AGBL1: variants seen among roughly 807,000 people sequenced by gnomAD.
AGBL1 encodes cytosolic carboxypeptidase 4.
A neutral mutation model predicts 118.9 loss-of-function variants in AGBL1; 130 were observed. The observed-to-expected ratio is 1.09, with a 90% CI of 0.95 to 1.26. AGBL1 has a LOEUF of 1.26. Ranked by LOEUF, AGBL1 falls within the 50% of genes most tolerant of loss-of-function variation. The pLI is 0.00. For synonymous variants in AGBL1, 555 were observed against 478.9 expected (o/e 1.16, Z -2.08); for missense variants, 1,584 against 1,298.1 (o/e 1.22, Z -3.38).
At chr15:86,344,210 T>C (rs2080502983) in intron 17 of AGBL1, among the ~76,000 whole-genome samples, 1 of 152,204 alleles carries the variant, frequency 6.6e-6, no homozygotes, top group African/African-American at 2.4e-5. Context: ...AGCAGAATTG[T>C]ACCACGGGCC....
intron 1 of AGBL1, among the ~76,000 whole-genome samples, chr15:86,113,447 C>A (rs1303911055): frequency 6.6e-6 from 1 of 151,654 alleles, no homozygotes; most frequent in East Asian, 1.9e-4. Flanking sequence ...ACCACCATGC[C>A]CGGCTCTTTT....
At chr15:86,787,876 A>G (rs1203759934) in intron 22 of AGBL1, among the ~76,000 whole-genome samples, 2 of 151,856 alleles carry the variant, frequency 1.3e-5, no homozygotes, top group East Asian at 1.9e-4. Context: ...TCTTCTTTGA[A>G]TTTTTGATTT....
intron 2 of AGBL1, 149 bp downstream of exon 2, chr15:86,142,216 G>A (rs1007936622): frequency 2.7e-6 from 2 of 740,602 alleles, no homozygotes; most frequent in African/African-American, 3.5e-5. Context: ...TTTTCTCTAA[G>A]GTTAATAAGA....
intron 18 of AGBL1, among the ~76,000 whole-genome samples, chr15:86,483,165 T>C (rs996736075): frequency 9.2e-5 from 14 of 152,196 alleles, no homozygotes; most frequent in African/African-American, 3.1e-4. Context: ...TATGGCGGCA[T>C]TGGCATGATC....
At chr15:87,020,783 G>C (rs913106850) in intron 24 of AGBL1, among the ~76,000 whole-genome samples, 1 of 151,972 alleles carries the variant, frequency 6.6e-6, no homozygotes, top group Non-Finnish European at 1.5e-5. Context: ...GAGGAATACA[G>C]CTAACAAGGG....
intron 22 of AGBL1, among the ~76,000 whole-genome samples, chr15:86,794,957 C>CG (rs1437031710): frequency 2.6e-5 from 4 of 152,170 alleles, no homozygotes; most frequent in South Asian, 4.2e-4. Flanking sequence ...GAAGGCCACC[C>CG]GGGGGGACCA....
At chr15:86,617,085 T>C (rs919872522) in intron 21 of AGBL1, among the ~76,000 whole-genome samples, 1 of 152,174 alleles carries the variant, frequency 6.6e-6, no homozygotes, top group Non-Finnish European at 1.5e-5. Flanking sequence ...AATCTATTCC[T>C]CAAGTCCCTT....
intron 22 of AGBL1, among the ~76,000 whole-genome samples, chr15:86,793,914 A>G (rs1012867367): frequency 8.8e-4 from 134 of 152,322 alleles, no homozygotes; most frequent in African/African-American, 3.1e-3. Flanking sequence ...CACTGAATGC[A>G]CATTAAGATG....
intron 19 of AGBL1, among the ~76,000 whole-genome samples, chr15:86,544,643 A>G (rs2083553384): frequency 6.6e-6 from 1 of 152,262 alleles, no homozygotes; most frequent in African/African-American, 2.4e-5. Flanking sequence ...GTCTCATGAC[A>G]CTTATTCGCT....
At chr15:86,927,648 C>T (rs945146114) in intron 23 of AGBL1, among the ~76,000 whole-genome samples, 8 of 151,990 alleles carry the variant, frequency 5.3e-5, no homozygotes, top group African/African-American at 1.7e-4. Context: ...AGGCAGAAGG[C>T]TATAATGAAT....
At chr15:86,088,564 A>C (rs770932359) in intron 1 of AGBL1, among the ~76,000 whole-genome samples, 1 of 152,218 alleles carries the variant, frequency 6.6e-6, no homozygotes, top group Non-Finnish European at 1.5e-5. Context: ...GTCTGCATTC[A>C]ACAGCACTAG....
At chr15:86,756,731 T>C (rs995596334) in intron 22 of AGBL1, among the ~76,000 whole-genome samples, 6 of 152,020 alleles carry the variant, frequency 3.9e-5, no homozygotes, top group African/African-American at 1.4e-4. Context: ...AAGTTCAGTA[T>C]GGCCGATCGA....
chr15:86,454,977 C>T (rs959598666), intron 18 of AGBL1, among the ~76,000 whole-genome samples: 5 of 152,064 alleles, frequency 3.3e-5, no homozygotes, highest in Non-Finnish European at 4.4e-5. Flanking sequence ...GTGGTCAAGC[C>T]GTCTGTCTAC....
chr15:86,763,992 G>T (rs2078062238), intron 22 of AGBL1, among the ~76,000 whole-genome samples: 1 of 152,000 alleles, frequency 6.6e-6, no homozygotes, highest in African/African-American at 2.4e-5. Flanking sequence ...TGAAGTGAGG[G>T]ACAAGTATTT....
intron 21 of AGBL1, among the ~76,000 whole-genome samples, chr15:86,650,717 A>T (rs1477557671): frequency 6.6e-6 from 1 of 152,234 alleles, no homozygotes; most frequent in Non-Finnish European, 1.5e-5. Context: ...TCCTCCAGCA[A>T]CTGTCCTTGA....
chr15:86,645,319 T>G (rs541214836), intron 21 of AGBL1, among the ~76,000 whole-genome samples: 34 of 152,270 alleles, frequency 2.2e-4, no homozygotes, highest in African/African-American at 6.7e-4. Context: ...TGTGGCAAAA[T>G]GTGAAAAATT....
At chr15:86,601,678 G>C (rs749844404) in intron 21 of AGBL1, among the ~76,000 whole-genome samples, 8 of 152,190 alleles carry the variant, frequency 5.3e-5, no homozygotes, top group Admixed American at 2.6e-4. Flanking sequence ...CAAAGGGAAA[G>C]AAAAGGAGAC....
At chr15:86,563,565 A>ATGTGGTCAGTTT (rs754383305) in intron 21 of AGBL1, among the ~76,000 whole-genome samples, 2 of 148,444 alleles carry the variant, frequency 1.3e-5, no homozygotes, top group Non-Finnish European at 3.0e-5. Flanking sequence ...ACTTCCAACT[A>ATGTGGTCAGTTT]TGGACTAAGT....
intron 17 of AGBL1, among the ~76,000 whole-genome samples, chr15:86,372,511 T>C (rs1211655832): frequency 6.6e-6 from 1 of 152,258 alleles, no homozygotes; most frequent in Non-Finnish European, 1.5e-5. Flanking sequence ...TTTCTGTCTT[T>C]TTACCTGCCA....
Sources: gnomAD v4.1 joint callset for allele counts (sites outside exome capture counted in the v4.1 genomes callset) on GRCh38, gnomAD v4.1.1 for gene constraint, MANE v1.5 for transcripts, NCBI Gene and HGNC (gene_info 2026-07-23, HGNC 2026-07-21) for gene names.